Variants in NRXN3 observed in about 807,000 individuals in gnomAD.
NRXN3 encodes the protein neurexin III.
A neutral mutation model predicts 137.6 loss-of-function variants in NRXN3; 32 were observed. That is an observed-to-expected ratio of 0.23 (90% CI 0.18 to 0.31). The LOEUF is 0.31. Among genes scored for constraint, NRXN3 ranks in the 10% least tolerant of loss-of-function variants. NRXN3 has a pLI of 1.00. For missense variants in NRXN3, 1,574 were observed against 2,062.5 expected (o/e 0.76, Z 4.59); for synonymous variants, 798 against 784.5 (o/e 1.02, Z -0.29).
At chr14:79,443,723 T>G (rs2096007264) in intron 15 of NRXN3, among the ~76,000 whole-genome samples, 1 of 152,206 alleles carries the variant, frequency 6.6e-6, no homozygotes, top group Admixed American at 6.5e-5. Flanking sequence ...AAGGGTCCTG[T>G]CCTATTTATT....
At chr14:78,489,528 T>C (rs1048335662) in intron 4 of NRXN3, among the ~76,000 whole-genome samples, 12 of 152,262 alleles carry the variant, frequency 7.9e-5, no homozygotes, top group Middle Eastern at 3.4e-3. Context: ...TGGGCATAAC[T>C]ACTGTCTTGA....
Position 79,750,678 on chromosome 14 carries a change from A to G in NRXN3, c.4014+52741A>G, listed in dbSNP as rs969064002. On this transcript the variant is annotated intron_variant, in intron 19 of 20. Transcript: ENST00000335750. ...CAATCAGGGCAGGTTATAGTATTCA[A>G]TGCCATCTTGTCTTATTGACTGAGT... is the stretch of plus-strand genomic sequence containing the variant. 6.6e-5 allele frequency among the ~76,000 whole-genome samples: 10 copies of G among 152,160 alleles called. 1 individual carries two copies. The highest frequency in any genetic ancestry group is 6.2e-4 in the South Asian group (3 of 4,832).
intron 10 of NRXN3, among the ~76,000 whole-genome samples, chr14:78,924,504 A>AAC (rs1433401610): frequency 6.6e-6 from 1 of 152,162 alleles, no homozygotes; most frequent in African/African-American, 2.4e-5. Context: ...CTCAGGATTT[A>AAC]ACCCCCACTC....
At chr14:79,057,237 A>C (rs1467230483) in intron 15 of NRXN3, among the ~76,000 whole-genome samples, 1 of 152,232 alleles carries the variant, frequency 6.6e-6, no homozygotes, top group Admixed American at 6.5e-5. Context: ...AGGCAAAGAG[A>C]GAGATAAGAA....
At chr14:78,960,968 C>T (rs1359031154) in intron 11 of NRXN3, among the ~76,000 whole-genome samples, 1 of 150,214 alleles carries the variant, frequency 6.7e-6, no homozygotes, top group Non-Finnish European at 1.5e-5. Context: ...CTTTAATAAG[C>T]TAATGTACAT....
intron 16 of NRXN3, among the ~76,000 whole-genome samples, chr14:79,551,059 AAG>A (rs2097368315): frequency 6.6e-6 from 1 of 152,208 alleles, no homozygotes; most frequent in Non-Finnish European, 1.5e-5. Flanking sequence ...GTCGGCCTTG[AAG>A]AAGCCGCTTG....
intron 4 of NRXN3, among the ~76,000 whole-genome samples, chr14:78,592,912 G>A (rs923404481): frequency 2.0e-5 from 3 of 152,346 alleles, no homozygotes; most frequent in Admixed American, 6.5e-5. Context: ...ATCTGCAGGG[G>A]ATGCTCTGTT....
chr14:79,488,011 G>T (rs1032606814), intron 16 of NRXN3, among the ~76,000 whole-genome samples: 23 of 152,154 alleles, frequency 1.5e-4, no homozygotes, highest in Non-Finnish European at 2.9e-4. Context: ...CAGATTACAG[G>T]AGAGATGTGA....
intron 1 of NRXN3, among the ~76,000 whole-genome samples, chr14:78,201,252 C>G (rs115966559): frequency 6.6e-6 from 1 of 152,186 alleles, no homozygotes; most frequent in Admixed American, 6.5e-5. Context: ...TCCTCGAGAT[C>G]GTAGCCAAAA....
chr14:78,470,672 T>A (rs1328314099), intron 4 of NRXN3, among the ~76,000 whole-genome samples: 1 of 152,018 alleles, frequency 6.6e-6, no homozygotes, highest in African/African-American at 2.4e-5. Flanking sequence ...AGATAAATAG[T>A]AAGATAGAAA....
chr14:78,615,914 T>C (rs2097343292), intron 4 of NRXN3, among the ~76,000 whole-genome samples: 1 of 152,132 alleles, frequency 6.6e-6, no homozygotes, highest in East Asian at 1.9e-4. Flanking sequence ...AAGCTATGAT[T>C]AAATCACTAT....
chr14:78,186,421 G>A (rs930126257), intron 1 of NRXN3, among the ~76,000 whole-genome samples: 13 of 152,208 alleles, frequency 8.5e-5, no homozygotes, highest in African/African-American at 3.1e-4. Context: ...TTTTTGCAGC[G>A]TGTACATGCA....
intron 8 of NRXN3, among the ~76,000 whole-genome samples, chr14:78,762,333 A>T (rs1015024684): frequency 7.9e-5 from 12 of 152,108 alleles, no homozygotes; most frequent in Non-Finnish European, 4.4e-5. Flanking sequence ...AAAAGCATTC[A>T]TTTTCACACC....
At chr14:79,757,955 G>A (rs993539599) in intron 19 of NRXN3, among the ~76,000 whole-genome samples, 1 of 152,158 alleles carries the variant, frequency 6.6e-6, no homozygotes, top group East Asian at 1.9e-4. Flanking sequence ...TAAGCCTTTG[G>A]ACAATAAGAA....
At chr14:79,817,355 C>T (rs768823708) in intron 20 of NRXN3, among the ~76,000 whole-genome samples, 8 of 152,036 alleles carry the variant, frequency 5.3e-5, no homozygotes, top group Non-Finnish European at 1.2e-4. Flanking sequence ...TCCGGGCCTC[C>T]CTATATAGTA....
At chr14:79,030,975 G>A (rs954311355) in intron 15 of NRXN3, among the ~76,000 whole-genome samples, 1 of 151,886 alleles carries the variant, frequency 6.6e-6, no homozygotes, top group African/African-American at 2.4e-5. Context: ...GGAGAATAGC[G>A]ATATGTTGTT....
intron 17 of NRXN3, among the ~76,000 whole-genome samples, chr14:79,684,424 G>T (rs2098686516): frequency 6.6e-6 from 1 of 152,136 alleles, no homozygotes; most frequent in African/African-American, 2.4e-5. Context: ...AACAGTGATT[G>T]TTACTTTTAG....
intron 4 of NRXN3, among the ~76,000 whole-genome samples, chr14:78,577,100 A>C (rs1038679940): frequency 2.6e-5 from 4 of 152,090 alleles, no homozygotes; most frequent in Non-Finnish European, 5.9e-5. Context: ...CTTCATCCTG[A>C]TTTCTTCTGC....
intron 11 of NRXN3, among the ~76,000 whole-genome samples, chr14:78,958,502 C>T (rs2099401435): frequency 6.6e-6 from 1 of 151,960 alleles, no homozygotes; most frequent in Non-Finnish European, 1.5e-5. Context: ...ACTACAGGTG[C>T]CTGCCACCAC....
Sources: allele counts gnomAD v4.1 joint callset (sites outside exome capture counted in the v4.1 genomes callset), GRCh38; gene constraint gnomAD v4.1.1; transcripts MANE v1.5; gene names NCBI Gene and HGNC (gene_info 2026-07-23, HGNC 2026-07-21).